Variants in ATP11A observed in about 807,000 individuals in gnomAD.
The protein encoded by ATP11A is phospholipid-transporting ATPase IH.
A neutral mutation model predicts 154.4 loss-of-function variants in ATP11A; 81 were observed. That is an observed-to-expected ratio of 0.52 (90% CI 0.44 to 0.63). The LOEUF (loss-of-function observed/expected upper bound fraction) is 0.63. ATP11A is among the 30% of genes least tolerant of loss of function. The pLI is 0.00. For missense variants in ATP11A, 1,316 were observed against 1,474.3 expected, an observed-to-expected ratio of 0.89 and a Z score of 1.76; for synonymous variants, 623 against 585.9, an observed-to-expected ratio of 1.06 and a Z score of -0.91.
intron 1 of ATP11A, among the ~76,000 whole-genome samples, chr13:112,766,889 C>A (rs183926460): frequency 3.1e-3 from 25 of 8,066 alleles, no homozygotes; most frequent in South Asian, 0.014. Flanking sequence ...GCTGGGAGCC[C>A]CTGTGGAAAG....
intron 1 of ATP11A, among the ~76,000 whole-genome samples, chr13:112,702,467 G>A (rs540010375): frequency 4.6e-5 from 7 of 152,360 alleles, no homozygotes; most frequent in Admixed American, 1.3e-4. Context: ...GTGCACACGG[G>A]GGGTGCGTGA....
At chr13:112,816,250 C>T (rs1277917176) in intron 6 of ATP11A, 39 bp downstream of exon 6, 1 of 1,613,582 alleles carries the variant, frequency 6.2e-7, no homozygotes, top group African/African-American at 1.3e-5. Context: ...GCAGGATCTT[C>T]CTGTCCTGCT....
chr13:112,796,974 G>A (rs1352841783), intron 2 of ATP11A, among the ~76,000 whole-genome samples: 1 of 152,122 alleles, frequency 6.6e-6, no homozygotes, highest in East Asian at 1.9e-4. Flanking sequence ...TACAATAGGT[G>A]AAGCAGGCCA....
rs188267977 is a variant in ATP11A, at chr13:112,785,227, A to G, written c.132A>G (p.Arg44=). ...GCGCAGAGGCCTACATCCCACAGAG[A>G]TACCCAGACAACAGGATCGTCTCGT... The part of the protein sequence containing the change: ...PPGAEAYIPQ[R]YPDNRIVSSK... The change falls in exon 2 of 30, where the codon AGA becomes AGG. Residue 44 remains arginine, a synonymous_variant. Coordinates refer to ENST00000375645, the MANE Select transcript of ATP11A (RefSeq NM_015205.3). The surrounding 1 kb of genome is among the most constrained non-coding windows in gnomAD (Gnocchi z 4.8). 2 of 1,559,132 alleles carry G rather than the reference A, an allele frequency of 1.3e-6. No homozygotes were observed. The highest frequency in any genetic ancestry group is 1.4e-5 in the African/African-American group (1 of 72,138).
At chr13:112,808,980 C>T (rs1452853663) in intron 4 of ATP11A, among the ~76,000 whole-genome samples, 1 of 152,228 alleles carries the variant, frequency 6.6e-6, no homozygotes, top group Non-Finnish European at 1.5e-5. Flanking sequence ...CTTCCCGCAG[C>T]CCGGGCGCTA....
intron 15 of ATP11A, among the ~76,000 whole-genome samples, chr13:112,835,442 G>A (rs930184971): frequency 6.6e-6 from 1 of 152,196 alleles, no homozygotes; most frequent in Non-Finnish European, 1.5e-5. Context: ...TGGGCCCTCC[G>A]CTGGCACCAG....
intron 4 of ATP11A, among the ~76,000 whole-genome samples, chr13:112,809,373 T>G (rs2078421333): frequency 1.3e-5 from 2 of 152,190 alleles, no homozygotes; most frequent in African/African-American, 4.8e-5. Flanking sequence ...CTGGAGGTTT[T>G]GGGTTACTTG....
At chr13:112,842,880 C>T (rs964895452) in intron 17 of ATP11A, among the ~76,000 whole-genome samples, 8 of 152,242 alleles carry the variant, frequency 5.3e-5, no homozygotes, top group African/African-American at 1.2e-4. Flanking sequence ...CCCAGCAGCC[C>T]GCACACCTGA....
chr13:112,860,111 G>A (rs73571022), intron 23 of ATP11A, among the ~76,000 whole-genome samples, 176 bp from the exon 24 acceptor site: 7,566 of 151,448 alleles, frequency 0.05, 534 homozygotes, highest in African/African-American at 0.16. Flanking sequence ...TTTGCCAGCT[G>A]TGACTTTCAT....
intron 1 of ATP11A, among the ~76,000 whole-genome samples, chr13:112,776,224 G>C (rs2077345979): frequency 6.6e-6 from 1 of 152,192 alleles, no homozygotes; most frequent in East Asian, 1.9e-4. Context: ...CCACATCCTT[G>C]ACAGTTCCCC....
At chr13:112,862,852 G>T (rs1252242532) in intron 25 of ATP11A, among the ~76,000 whole-genome samples, 1 of 145,202 alleles carries the variant, frequency 6.9e-6, no homozygotes, top group Non-Finnish European at 1.5e-5. Context: ...TTCCCAGCGG[G>T]GTCCATCACC....
chr13:112,773,393 C>T (rs186503285), intron 1 of ATP11A, among the ~76,000 whole-genome samples: 10 of 152,316 alleles, frequency 6.6e-5, no homozygotes, highest in Non-Finnish European at 1.0e-4. Context: ...CTCTCTGTAT[C>T]GACCAAACCC....
At chr13:112,768,096 G>T (rs1888297) in intron 1 of ATP11A, among the ~76,000 whole-genome samples, 1 of 152,138 alleles carries the variant, frequency 6.6e-6, no homozygotes, top group Admixed American at 6.5e-5. Flanking sequence ...CCAAGTGCCT[G>T]TTTGCTTCTG....
chr13:112,860,713 G>C (rs1038245871), intron 24 of ATP11A: 7 of 255,424 alleles, frequency 2.7e-5, no homozygotes, highest in African/African-American at 1.5e-4. Flanking sequence ...CGTCTTCCTC[G>C]TTGTGACCCT....
intron 25 of ATP11A, among the ~76,000 whole-genome samples, chr13:112,870,644 TG>T (rs1349891046): frequency 6.6e-6 from 1 of 152,216 alleles, no homozygotes; most frequent in East Asian, 1.9e-4. Flanking sequence ...CCCAAAGCGC[TG>T]GGATTACAGG....
rs1305143861 is a variant in ATP11A at position 112,857,806 on chromosome 13, T to G, written c.2419-12T>G. The G allele has an allele frequency of 1.2e-6, 2 of 1,605,558 alleles. No individual in the cohort carries two copies. On this transcript the variant is annotated splice_polypyrimidine_tract_variant and intron_variant, in intron 20 of 29. Transcript: ENST00000375645. Reference sequence around the variant, plus strand: ...ACAGAGAAGATAAATTCCGCATTTCTTTCTTTTGCAGATTGTTAAATTAAT... The same window carrying G: ...ACAGAGAAGATAAATTCCGCATTTCGTTCTTTTGCAGATTGTTAAATTAAT...
chr13:112,726,885 A>G (rs1453619771), intron 1 of ATP11A, among the ~76,000 whole-genome samples: 1 of 152,248 alleles, frequency 6.6e-6, no homozygotes, highest in East Asian at 1.9e-4. Context: ...TTGTAAAGAC[A>G]TCTTCCTTGG....
chr13:112,775,546 G>T (rs1401968908), intron 1 of ATP11A, among the ~76,000 whole-genome samples: 1 of 152,182 alleles, frequency 6.6e-6, no homozygotes, highest in African/African-American at 2.4e-5. Context: ...TTAAAAAGAA[G>T]GAGGCGAATA....
chr13:112,771,273 C>T (rs1286048825), intron 1 of ATP11A, among the ~76,000 whole-genome samples: 3 of 152,156 alleles, frequency 2.0e-5, no homozygotes, highest in South Asian at 4.1e-4. Flanking sequence ...GATTGAACTT[C>T]GAATGCGGAA....
Sources: gnomAD v4.1 joint callset for allele counts (sites outside exome capture counted in the v4.1 genomes callset) on GRCh38, gnomAD v4.1.1 for gene constraint, Gnocchi (gnomAD v3.1) non-coding constraint, MANE v1.5 for transcripts, NCBI Gene and HGNC (gene_info 2026-07-23, HGNC 2026-07-21) for gene names.